The following CLCN3 variants were observed in gnomAD, a reference collection of about 807,000 sequenced individuals.
The protein encoded by CLCN3 is Cl-/H+ antiporter 3.
A neutral mutation model predicts 83.4 loss-of-function variants in CLCN3; 16 were observed. The observed-to-expected ratio is 0.19, with a 90% CI of 0.13 to 0.29. The LOEUF (loss-of-function observed/expected upper bound fraction) is 0.29. Ranked by LOEUF, CLCN3 falls within the 10% of genes least tolerant of loss-of-function variation. CLCN3 has a pLI of 1.00. For synonymous variants in CLCN3, 322 were observed against 346.2 expected (o/e 0.93, Z 0.78); for missense variants, 544 against 1,006.0 (o/e 0.54, Z 6.21).
At chr4:169,663,179 G>GTA (rs34262671) in intron 2 of CLCN3, 27,457 of 145,980 alleles carry the variant, frequency 0.19, 2,920 homozygotes, top group South Asian at 0.3. Context: ...GCGTATATGT[G>GTA]TATATATATA....
At chr4:169,698,623 C>A (rs1202149217) in intron 9 of CLCN3, among the ~76,000 whole-genome samples, 1 of 152,172 alleles carries the variant, frequency 6.6e-6, no homozygotes, top group Non-Finnish European at 1.5e-5. Flanking sequence ...CTTGCTGGGA[C>A]AAGTGTAAGA....
intron 2 of CLCN3, among the ~76,000 whole-genome samples, chr4:169,656,569 C>T (rs917716674): frequency 2.6e-5 from 4 of 152,156 alleles, no homozygotes; most frequent in Non-Finnish European, 5.9e-5. Flanking sequence ...AGATCCAAAC[C>T]ATATTACAAC....
intron 2 of CLCN3, among the ~76,000 whole-genome samples, chr4:169,673,582 A>G (rs886987467): frequency 6.6e-6 from 1 of 151,656 alleles, no homozygotes; most frequent in African/African-American, 2.4e-5. Context: ...TTTTTTGCAT[A>G]AAGAGTAACA....
Position 169,720,526 on chromosome 4 carries a change from TTCTCTC to T in CLCN3, c.*557_*562del, listed in dbSNP as rs33952411. The T allele has an allele frequency of 8.5e-3, 1,240 of 146,408 alleles. 4 individuals are homozygous for T. The highest frequency in any genetic ancestry group is 0.016 in the South Asian group (68 of 4,346). 9.1% of individuals were successfully genotyped at this position (146,408 alleles called of 1,614,324 possible). On this transcript the variant is annotated 3_prime_UTR_variant, in exon 13 of 13. Transcript: ENST00000513761. The stretch of plus-strand genomic sequence containing the variant: ...TTCTACATTCCAGAAGAGCCTTTAT[TTCTCTC>T]TCTCTCTCTCTCTCTCTCTCTCTCT...
At chr4:169,708,974 A>G (rs1733093817) in intron 11 of CLCN3, among the ~76,000 whole-genome samples, 1 of 148,490 alleles carries the variant, frequency 6.7e-6, no homozygotes, top group Non-Finnish European at 1.5e-5. Context: ...ATATATGTTT[A>G]TATATGTAAC....
At chr4:169,677,062 G>A (rs563459157) in intron 2 of CLCN3, among the ~76,000 whole-genome samples, 24 of 152,060 alleles carry the variant, frequency 1.6e-4, no homozygotes, top group African/African-American at 5.3e-4. Flanking sequence ...TAGGTAACAT[G>A]ACTAGAATTG....
chr4:169,684,181 A>G (rs1272132721), intron 3 of CLCN3, among the ~76,000 whole-genome samples: 1 of 152,194 alleles, frequency 6.6e-6, no homozygotes, highest in Non-Finnish European at 1.5e-5. Context: ...AATTTCAAAT[A>G]TTACTATTTC....
At chr4:169,665,603 GAA>G (rs60434639) in intron 2 of CLCN3, among the ~76,000 whole-genome samples, 4 of 147,408 alleles carry the variant, frequency 2.7e-5, no homozygotes, top group South Asian at 4.2e-4. Context: ...CACAGAGAGA[GAA>G]AAAAAAAAAC....
At chr4:169,641,050 G>A (rs1256059975) in intron 2 of CLCN3, among the ~76,000 whole-genome samples, 2 of 151,976 alleles carry the variant, frequency 1.3e-5, no homozygotes, top group African/African-American at 2.4e-5. Context: ...AGTTGAGAGG[G>A]CTCACTCCTA....
intron 2 of CLCN3, among the ~76,000 whole-genome samples, chr4:169,661,178 T>C (rs1343199820): frequency 6.6e-6 from 1 of 152,152 alleles, no homozygotes; most frequent in Non-Finnish European, 1.5e-5. Context: ...GCATGTTAAT[T>C]ACTACCCTTT....
chr4:169,708,836 T>G (rs1193571640), intron 11 of CLCN3, among the ~76,000 whole-genome samples: 1 of 151,972 alleles, frequency 6.6e-6, no homozygotes, highest in Non-Finnish European at 1.5e-5. Flanking sequence ...GAAATGTTAG[T>G]CACATGACTT....
chr4:169,626,673 C>A (rs1467136483), intron 1 of CLCN3, among the ~76,000 whole-genome samples: 1 of 152,168 alleles, frequency 6.6e-6, no homozygotes, highest in Non-Finnish European at 1.5e-5. Context: ...TGTGCCCCAA[C>A]ATTATACAAA....
intron 2 of CLCN3, among the ~76,000 whole-genome samples, chr4:169,664,048 G>A (rs969673483): frequency 1.3e-5 from 2 of 152,170 alleles, no homozygotes; most frequent in African/African-American, 4.8e-5. Flanking sequence ...CATTCCTGGT[G>A]GATATAATAA....
At position 169,690,637 on chromosome 4, in the gene CLCN3, C is replaced by T. The variant is rs778920153; in HGVS notation, c.714C>T (p.Gly238=). The change falls in exon 6 of 13, where the codon GGC becomes GGT. Residue 238 remains glycine, a synonymous_variant. Transcript: ENST00000513761. ...LVKVFAPYAC[G]SGIPEIKTIL... ...AGGTATTTGCTCCATATGCCTGTGG[C>T]TCTGGAATTCCAGAGGTAAGCCAAG... The T allele has an allele frequency of 1.2e-6, 2 of 1,612,190 alleles. No individual in the cohort carries two copies.
At chr4:169,706,114 T>C (rs1732978712) in intron 10 of CLCN3, among the ~76,000 whole-genome samples, 1 of 151,840 alleles carries the variant, frequency 6.6e-6, no homozygotes, top group African/African-American at 2.4e-5. Context: ...CACTGCAGCC[T>C]CAAACCCCAG....
intron 2 of CLCN3, among the ~76,000 whole-genome samples, chr4:169,649,974 A>G (rs1730687131): frequency 6.6e-6 from 1 of 152,106 alleles, no homozygotes; most frequent in Non-Finnish European, 1.5e-5. Context: ...AGTCCCAGCT[A>G]CTTGGGAGGC....
intron 2 of CLCN3, among the ~76,000 whole-genome samples, chr4:169,645,657 T>C (rs908082364): frequency 2.6e-5 from 4 of 152,210 alleles, no homozygotes; most frequent in Admixed American, 2.0e-4. Flanking sequence ...AGGTTTGAGC[T>C]TGTGCCTGGC....
At chr4:169,672,824 C>T (rs1731528463) in intron 2 of CLCN3, among the ~76,000 whole-genome samples, 1 of 152,032 alleles carries the variant, frequency 6.6e-6, no homozygotes, top group East Asian at 1.9e-4. Context: ...CCACCGCGCC[C>T]AGCTAATTTT....
At chr4:169,699,410 A>C (rs1732690782) in intron 9 of CLCN3, among the ~76,000 whole-genome samples, 1 of 152,222 alleles carries the variant, frequency 6.6e-6, no homozygotes, top group South Asian at 2.1e-4. Context: ...TTGTTCTTTA[A>C]ATTACTACCC....
Sources: allele counts gnomAD v4.1 joint callset (sites outside exome capture counted in the v4.1 genomes callset), GRCh38; gene constraint gnomAD v4.1.1; transcripts MANE v1.5; gene names NCBI Gene and HGNC (gene_info 2026-07-23, HGNC 2026-07-21).